Variants in ATAD1 observed in about 807,000 individuals in gnomAD.
ATAD1 encodes ATPase family AAA domain containing 1.
In ATAD1, 18 loss-of-function variants were observed where a neutral mutation model predicts 42.7. The ratio of observed to expected loss-of-function variants is 0.42; its 90% CI spans 0.29 to 0.63. The LOEUF (loss-of-function observed/expected upper bound fraction) is 0.63. Ranked by LOEUF, ATAD1 falls within the 20% of genes least tolerant of loss-of-function variation. ATAD1 has a pLI of 0.19. For missense variants in ATAD1, 294 were observed against 440.4 expected (o/e 0.67, Z 2.98); for synonymous variants, 132 against 143.1 (o/e 0.92, Z 0.55).
chr10:87,794,946 A>G (rs1225663507), intron 2 of ATAD1, among the ~76,000 whole-genome samples: 2 of 152,218 alleles, frequency 1.3e-5, no homozygotes, highest in Non-Finnish European at 2.9e-5. Context: ...TATTCACAAT[A>G]TATCATTAAA....
chr10:87,780,065 G>A (rs1198518200), intron 5 of ATAD1, among the ~76,000 whole-genome samples: 3 of 152,128 alleles, frequency 2.0e-5, no homozygotes, highest in African/African-American at 7.2e-5. Context: ...AAAACAAGGT[G>A]TCATTTTAAT....
At position 87,811,656 on chromosome 10, in the gene ATAD1, G is replaced by A. The variant is rs559713986; in HGVS notation, c.162+2782C>T. Among the ~76,000 whole-genome samples, 7 of 152,262 alleles carry A rather than the reference G, an allele frequency of 4.6e-5. No homozygotes were observed. The East Asian group carries it at 1.4e-3, about 29-fold the overall frequency. On this transcript the variant is annotated intron_variant, in intron 2 of 9. Coordinates refer to ENST00000680024, the MANE Select transcript of ATAD1 (RefSeq NM_001321967.2). ...CTTGATGGTGGTGAGGGGAGATGGG[G>A]AATAATTTGGGAAAAGTTCTACAAA...
intron 2 of ATAD1, among the ~76,000 whole-genome samples, chr10:87,810,259 G>T (rs947260630): frequency 6.6e-6 from 1 of 150,912 alleles, no homozygotes; most frequent in South Asian, 2.1e-4. Context: ...TAATAAATAC[G>T]CTACCAATAT....
intron 5 of ATAD1, among the ~76,000 whole-genome samples, chr10:87,783,908 C>A (rs1480958819): frequency 6.7e-6 from 1 of 150,090 alleles, no homozygotes; most frequent in Non-Finnish European, 1.5e-5. Context: ...CTGACTATAG[C>A]CAAATAATAA....
chr10:87,803,388 G>A (rs1285787050), intron 2 of ATAD1, among the ~76,000 whole-genome samples: 1 of 152,190 alleles, frequency 6.6e-6, no homozygotes. Flanking sequence ...ATCACTAAAG[G>A]GAAAAGTCAA....
intron 8 of ATAD1, among the ~76,000 whole-genome samples, chr10:87,763,362 T>C (rs957092173): frequency 6.6e-6 from 1 of 152,194 alleles, no homozygotes; most frequent in Non-Finnish European, 1.5e-5. Context: ...TATTTTGATA[T>C]GTTTTAAGGC....
At chr10:87,773,836 T>C (rs1855164724) in intron 6 of ATAD1, among the ~76,000 whole-genome samples, 1 of 152,220 alleles carries the variant, frequency 6.6e-6, no homozygotes, top group Admixed American at 6.5e-5. Context: ...TTCTCTTACA[T>C]GGGCTAACTA....
intron 6 of ATAD1, among the ~76,000 whole-genome samples, chr10:87,773,373 C>A (rs954766201): frequency 3.3e-5 from 5 of 152,098 alleles, no homozygotes; most frequent in African/African-American, 1.2e-4. Flanking sequence ...GAGCCGTTCT[C>A]TATTTCTATT....
At chr10:87,826,609 C>G (rs1206747524) in intron 1 of ATAD1, among the ~76,000 whole-genome samples, 1 of 152,190 alleles carries the variant, frequency 6.6e-6, no homozygotes, top group Non-Finnish European at 1.5e-5. Context: ...TCTGGCTGGA[C>G]CGTGTGCCAC....
intron 2 of ATAD1, 131 bp from the exon 3 acceptor site, chr10:87,792,886 C>T (rs970616082): frequency 7.3e-6 from 5 of 681,736 alleles, no homozygotes; most frequent in Admixed American, 2.6e-5. Flanking sequence ...ATATTCTAGG[C>T]CCCTTGATCT....
chr10:87,775,497 A>G (rs976804598), intron 6 of ATAD1, among the ~76,000 whole-genome samples: 3 of 146,658 alleles, frequency 2.0e-5, no homozygotes, highest in Admixed American at 7.0e-5. Context: ...TCCATGAGAT[A>G]TAAGTAAGTG....
At chr10:87,806,623 A>G (rs956813012) in intron 2 of ATAD1, among the ~76,000 whole-genome samples, 1 of 152,034 alleles carries the variant, frequency 6.6e-6, no homozygotes, top group African/African-American at 2.4e-5. Flanking sequence ...TCATCTCACT[A>G]TTTCTTAGAG....
chr10:87,770,921 A>C (rs772526467), intron 7 of ATAD1, 31 bp downstream of exon 7: 1 of 1,577,224 alleles, frequency 6.3e-7, no homozygotes. Context: ...TGAGTATTTA[A>C]CTCTTCATAA....
chr10:87,760,920 A>C (rs1311934856), intron 8 of ATAD1, among the ~76,000 whole-genome samples: 4 of 152,224 alleles, frequency 2.6e-5, no homozygotes, highest in African/African-American at 7.2e-5. Context: ...CTTAAGCCAA[A>C]ATCACTACAC....
chr10:87,782,179 G>A (rs1855596598), intron 5 of ATAD1, among the ~76,000 whole-genome samples: 2 of 152,162 alleles, frequency 1.3e-5, no homozygotes, highest in South Asian at 4.1e-4. Flanking sequence ...GCAATAAGGA[G>A]AATTCTCAAA....
chr10:87,830,896 A>G (rs1347702884), intron 1 of ATAD1, among the ~76,000 whole-genome samples: 2 of 152,224 alleles, frequency 1.3e-5, no homozygotes, highest in African/African-American at 4.8e-5. Context: ...ATATTTAGAA[A>G]GATATAATTT....
intron 2 of ATAD1, among the ~76,000 whole-genome samples, chr10:87,807,396 A>T (rs925087145): frequency 1.3e-5 from 2 of 152,154 alleles, no homozygotes; most frequent in Admixed American, 1.3e-4. Flanking sequence ...TAGTTATACT[A>T]ATTTATATTC....
At chr10:87,761,583 G>A (rs904613430) in intron 8 of ATAD1, among the ~76,000 whole-genome samples, 5 of 152,042 alleles carry the variant, frequency 3.3e-5, no homozygotes, top group South Asian at 2.1e-4. Flanking sequence ...GATCACTTGA[G>A]CCCAGGGAGG....
chr10:87,836,868 ATAC>A (rs1857939707), intron 1 of ATAD1, among the ~76,000 whole-genome samples: 1 of 152,056 alleles, frequency 6.6e-6, no homozygotes, highest in East Asian at 1.9e-4. Flanking sequence ...TTTTCCCCCA[ATAC>A]TTTTTCTCTC....
Sources: gnomAD v4.1 joint callset for allele counts (sites outside exome capture counted in the v4.1 genomes callset) on GRCh38, gnomAD v4.1.1 for gene constraint, MANE v1.5 for transcripts, NCBI Gene and HGNC (gene_info 2026-07-23, HGNC 2026-07-21) for gene names.